SRP9: variants seen among roughly 807,000 people sequenced by gnomAD.
The protein encoded by SRP9 is signal recognition particle 9 kDa protein.
A neutral mutation model predicts 11.7 loss-of-function variants in SRP9; 2 were observed. The ratio of observed to expected loss-of-function variants is 0.17; its 90% CI spans 0.07 to 0.54. The LOEUF is 0.54. Ranked by LOEUF, SRP9 falls within the 20% of genes least tolerant of loss-of-function variation. The probability of loss-of-function intolerance (pLI) is 0.94; values close to 1 mark genes in which losing one functional copy is unlikely to be tolerated. For missense variants in SRP9, 54 were observed against 108.1 expected, an observed-to-expected ratio of 0.50 and a Z score of 2.22; for synonymous variants, 27 against 35.6, an observed-to-expected ratio of 0.76 and a Z score of 0.86.
At chr1:225,788,358 A>G (rs1002426753) in intron 2 of SRP9, among the ~76,000 whole-genome samples, 1 of 151,616 alleles carries the variant, frequency 6.6e-6, no homozygotes, top group Non-Finnish European at 1.5e-5. Flanking sequence ...TACACCCCCA[A>G]CCTGGGCCAC....
intron 2 of SRP9, 176 bp from the exon 3 acceptor site, chr1:225,789,063 AC>A: frequency 6.4e-7 from 1 of 1,551,098 alleles, no homozygotes; most frequent in South Asian, 1.2e-5. Context: ...GTACTTTAAG[AC>A]ATGGAATTGC....
chr1:225,781,273 TATTTTTGGTA>T (rs1056495978), intron 1 of SRP9, among the ~76,000 whole-genome samples: 1 of 91,510 alleles, frequency 1.1e-5, no homozygotes, highest in Non-Finnish European at 2.5e-5. Flanking sequence ...GTGTTTTGGT[TATTTTTGGTA>T]AAGAACCTTG....
chr1:225,781,961 C>G (rs960562605), intron 1 of SRP9, among the ~76,000 whole-genome samples: 1 of 151,896 alleles, frequency 6.6e-6, no homozygotes, highest in African/African-American at 2.4e-5. Context: ...TCAGACAAAT[C>G]GCATATAGTG....
intron 2 of SRP9, among the ~76,000 whole-genome samples, chr1:225,783,879 T>A (rs563953777): frequency 6.6e-6 from 1 of 152,338 alleles, no homozygotes; most frequent in East Asian, 1.9e-4. Flanking sequence ...TTTGACCTCC[T>A]TGCTGCTTTT....
At chr1:225,781,410 T>TTC (rs1430107276) in intron 1 of SRP9, among the ~76,000 whole-genome samples, 18 of 146,018 alleles carry the variant, frequency 1.2e-4, no homozygotes, top group Admixed American at 2.0e-4. Context: ...TTTTTTTTTT[T>TTC]TTTTTTGAGA....
chr1:225,781,075 G>C (rs35777726), intron 1 of SRP9, among the ~76,000 whole-genome samples: 3,346 of 152,172 alleles, frequency 0.022, 57 homozygotes, highest in Middle Eastern at 0.044. Flanking sequence ...GAAGCTACCG[G>C]ATTGTATCCT....
At chr1:225,785,126 C>T (rs1053074195) in intron 2 of SRP9, among the ~76,000 whole-genome samples, 8 of 151,812 alleles carry the variant, frequency 5.3e-5, no homozygotes, top group Non-Finnish European at 1.2e-4. Context: ...GGCTGGAGTG[C>T]AGTGGGCGAT....
At chr1:225,778,042 G>C in intron 1 of SRP9, 30 bp downstream of exon 1, 6 of 1,613,338 alleles carry the variant, frequency 3.7e-6, no homozygotes, top group Non-Finnish European at 4.2e-6. Context: ...GCTGCTTTGG[G>C]CCCCAGCCCA....
chr1:225,788,994 A>G, intron 2 of SRP9: 1 of 1,546,508 alleles, frequency 6.5e-7, no homozygotes, highest in South Asian at 1.2e-5. Context: ...AACATTTTTC[A>G]GAAGCTTCTA....
At chr1:225,786,907 A>G in intron 2 of SRP9, 3 of 988,876 alleles carry the variant, frequency 3.0e-6, no homozygotes, top group South Asian at 1.4e-5. Context: ...CAGTGGCATG[A>G]TCATAGCTCA....
rs1418351744 is a variant in SRP9, at chr1:225,778,032, G to A, written c.72+20G>A. On this transcript the variant is annotated intron_variant, in intron 1 of 2. Transcript: ENST00000304786. ...ATGAAGGTAAATCGCTGGCGGGGCC[G>A]CTGCTTTGGGCCCCAGCCCAGGATG... is the stretch of plus-strand genomic sequence containing the variant. 1 of 1,613,582 alleles carries A rather than the reference G, an allele frequency of 6.2e-7. No homozygotes were observed. The highest frequency in any genetic ancestry group is 8.5e-7 in the Non-Finnish European group (1 of 1,179,634).
rs1461056900 is a variant in SRP9 at position 225,789,957 on chromosome 1, T to C, written c.*598T>C. 1.3e-5 allele frequency: 2 copies of C among 152,444 alleles called. No homozygotes were observed. The highest frequency in any genetic ancestry group is 2.9e-5 in the Non-Finnish European group (2 of 68,192). The allele number at this position is 152,444 out of a possible 1,614,324, so 9.4% of individuals were successfully genotyped here. A position where few individuals can be genotyped will look rare whatever the true frequency, so the allele number is the denominator to read the frequency against. ...TCCACATTTAAACTACCTGTTAATA[T>C]AAGGGATTTGTAGTATCAGCTTGTT... On this transcript the variant is annotated 3_prime_UTR_variant, in exon 3 of 3. Transcript: ENST00000304786.
intron 2 of SRP9, among the ~76,000 whole-genome samples, chr1:225,785,800 G>A (rs1039899522): frequency 6.6e-6 from 1 of 151,252 alleles, no homozygotes; most frequent in African/African-American, 2.4e-5. Flanking sequence ...CTCCTGCCTC[G>A]GCCTCCCAAG....
At chr1:225,789,057 T>C in intron 2 of SRP9, 183 bp from the exon 3 acceptor site, 2 of 1,551,122 alleles carry the variant, frequency 1.3e-6, no homozygotes, top group Non-Finnish European at 1.7e-6. Flanking sequence ...ATTACTGTAC[T>C]TTAAGACATG....
chr1:225,778,741 G>A (rs1387782064), intron 1 of SRP9, among the ~76,000 whole-genome samples: 1 of 152,152 alleles, frequency 6.6e-6, no homozygotes, highest in Non-Finnish European at 1.5e-5. Context: ...CGTCTCTTGA[G>A]GTTTTGGTTA....
At chr1:225,787,131 A>G in intron 2 of SRP9, 1 of 232,708 alleles carries the variant, frequency 4.3e-6, no homozygotes, top group Non-Finnish European at 8.7e-6. Flanking sequence ...GGTGTGAACC[A>G]CTAAGTACTT....
chr1:225,783,341 G>T lies in SRP9; in HGVS notation c.114G>T (p.Leu38Phe). The T allele has an allele frequency of 6.2e-7, 1 of 1,612,524 alleles. No homozygotes were observed. Among genetic ancestry groups the T allele is most frequent in the Non-Finnish European group, 8.5e-7 (1 of 1,179,126 alleles). ...VLKYRHSDGN[L>F]CVKVTDDLVC... ...AATATAGGCATTCTGATGGGAACTT[G>T]TGTGTTAAAGTAACAGATGATTTAG... Residue 38 changes from leucine (L) to phenylalanine (F), a missense_variant, in exon 2 of 3, where the codon TTG becomes TTT. By Grantham distance (22) the Leu-to-Phe change is conservative. Transcript: ENST00000304786.
At chr1:225,783,395 T>G (rs748960827) in intron 2 of SRP9, 27 bp downstream of exon 2, 2 of 1,531,538 alleles carry the variant, frequency 1.3e-6, no homozygotes, top group Non-Finnish European at 1.8e-6. Context: ...ATTTGTTACA[T>G]ACTTTCAGAT....
At chr1:225,781,191 T>G (rs781575584) in intron 1 of SRP9, among the ~76,000 whole-genome samples, 8 of 152,212 alleles carry the variant, frequency 5.3e-5, no homozygotes, top group Non-Finnish European at 1.2e-4. Context: ...TTTCCCAGTC[T>G]AAGTTACTTG....
Sources: gnomAD v4.1 joint callset for allele counts (sites outside exome capture counted in the v4.1 genomes callset) on GRCh38, gnomAD v4.1.1 for gene constraint, MANE v1.5 for transcripts, NCBI Gene and HGNC (gene_info 2026-07-23, HGNC 2026-07-21) for gene names.